The following CNTNAP2 variants were observed in gnomAD, a reference collection of about 807,000 sequenced individuals.
CNTNAP2 encodes the protein contactin associated protein 2.
In CNTNAP2, 98 loss-of-function variants were observed where a neutral mutation model predicts 155.2. That is an observed-to-expected ratio of 0.63 (90% CI 0.54 to 0.75). The LOEUF is 0.75. Among genes scored for constraint, CNTNAP2 ranks in the 30% least tolerant of loss-of-function variants. CNTNAP2 has a pLI of 0.00. For synonymous variants in CNTNAP2, 651 were observed against 631.2 expected, an observed-to-expected ratio of 1.03 and a Z score of -0.47; for missense variants, 1,727 against 1,688.1, an observed-to-expected ratio of 1.02 and a Z score of -0.40.
chr7:147,441,676 C>T (rs1584950000), intron 10 of CNTNAP2, among the ~76,000 whole-genome samples: 1 of 152,208 alleles, frequency 6.6e-6, no homozygotes, highest in East Asian at 1.9e-4. Context: ...GGGAGCACCC[C>T]AGTAACACTA....
At chr7:147,707,600 C>G (rs1474655000) in intron 13 of CNTNAP2, among the ~76,000 whole-genome samples, 2 of 152,178 alleles carry the variant, frequency 1.3e-5, no homozygotes, top group Non-Finnish European at 2.9e-5. Context: ...TTAGCAGGCT[C>G]AGGCAGGCCA....
At chr7:146,600,165 T>A (rs1012641778) in intron 1 of CNTNAP2, among the ~76,000 whole-genome samples, 1 of 152,002 alleles carries the variant, frequency 6.6e-6, no homozygotes, top group African/African-American at 2.4e-5. Context: ...TCCATAATAG[T>A]CAGTTTTCAG....
At chr7:147,211,574 C>A (rs1161353553) in intron 8 of CNTNAP2, among the ~76,000 whole-genome samples, 1 of 152,010 alleles carries the variant, frequency 6.6e-6, no homozygotes, top group Non-Finnish European at 1.5e-5. Context: ...AAACAACTCC[C>A]TATTCAACAC....
intron 1 of CNTNAP2, among the ~76,000 whole-genome samples, chr7:146,666,459 T>C (rs1352682233): frequency 6.6e-6 from 1 of 152,212 alleles, no homozygotes; most frequent in East Asian, 1.9e-4. Flanking sequence ...GCAATAGACA[T>C]AGAGATGCAG....
At chr7:146,650,372 T>C (rs1240872750) in intron 1 of CNTNAP2, among the ~76,000 whole-genome samples, 1 of 151,974 alleles carries the variant, frequency 6.6e-6, no homozygotes, top group Non-Finnish European at 1.5e-5. Flanking sequence ...CCATAAAAAA[T>C]ATGAGTTCAT....
intron 8 of CNTNAP2, among the ~76,000 whole-genome samples, chr7:147,163,995 A>G (rs1288014213): frequency 2.6e-5 from 4 of 152,204 alleles, no homozygotes; most frequent in Non-Finnish European, 4.4e-5. Context: ...CTCCACAACT[A>G]GAGAGATACA....
At chr7:147,233,375 C>T (rs1250583379) in intron 8 of CNTNAP2, among the ~76,000 whole-genome samples, 1 of 152,116 alleles carries the variant, frequency 6.6e-6, no homozygotes, top group Non-Finnish European at 1.5e-5. Context: ...TATTTCTTTT[C>T]TTACATTAAA....
chr7:147,304,583 G>A (rs1794994659), intron 9 of CNTNAP2, among the ~76,000 whole-genome samples: 1 of 152,162 alleles, frequency 6.6e-6, no homozygotes, highest in Admixed American at 6.5e-5. Context: ...CAGTCTTACT[G>A]GAAGAGGAGT....
chr7:147,148,370 A>C (rs1801754161), intron 8 of CNTNAP2, among the ~76,000 whole-genome samples: 1 of 146,576 alleles, frequency 6.8e-6, no homozygotes, highest in South Asian at 2.2e-4. Flanking sequence ...AGCCTGGGCG[A>C]CAGAGCGAGA....
At chr7:147,150,825 G>C (rs1479586407) in intron 8 of CNTNAP2, among the ~76,000 whole-genome samples, 3 of 152,068 alleles carry the variant, frequency 2.0e-5, no homozygotes, top group Non-Finnish European at 1.5e-5. Context: ...GTATAATAAA[G>C]AAAATAAACT....
At chr7:147,851,138 A>T (rs1483279798) in intron 13 of CNTNAP2, among the ~76,000 whole-genome samples, 2 of 152,248 alleles carry the variant, frequency 1.3e-5, no homozygotes, top group Non-Finnish European at 2.9e-5. Flanking sequence ...TCTCAAAAGA[A>T]GACATTTATG....
intron 11 of CNTNAP2, among the ~76,000 whole-genome samples, chr7:147,552,718 T>C (rs1799875984): frequency 6.6e-6 from 1 of 152,174 alleles, no homozygotes; most frequent in Non-Finnish European, 1.5e-5. Context: ...ATACGCCTTC[T>C]TCCTCCATAA....
intron 8 of CNTNAP2, among the ~76,000 whole-genome samples, chr7:147,256,365 G>T (rs1323963457): frequency 6.6e-6 from 1 of 152,140 alleles, no homozygotes; most frequent in Non-Finnish European, 1.5e-5. Context: ...TACACTTGAA[G>T]GGGGCTCTGT....
At chr7:146,288,953 C>T (rs1457949679) in intron 1 of CNTNAP2, among the ~76,000 whole-genome samples, 1 of 151,586 alleles carries the variant, frequency 6.6e-6, no homozygotes, top group African/African-American at 2.4e-5. Flanking sequence ...TATTGGTGCG[C>T]ACCACCACCC....
At chr7:147,114,520 A>G (rs769253400) in intron 5 of CNTNAP2, among the ~76,000 whole-genome samples, 3 of 152,206 alleles carry the variant, frequency 2.0e-5, no homozygotes, top group Non-Finnish European at 4.4e-5. Flanking sequence ...TATATTTATG[A>G]TAGTTAACTC....
intron 3 of CNTNAP2, among the ~76,000 whole-genome samples, chr7:146,864,202 A>G (rs1795158598): frequency 1.3e-5 from 2 of 152,126 alleles, no homozygotes; most frequent in Non-Finnish European, 2.9e-5. Flanking sequence ...GAATATAGAC[A>G]CAAAAATTAA....
chr7:146,525,305 C>T lies in CNTNAP2; in HGVS notation c.98-248966C>T, dbSNP rs536035559. On this transcript the variant is annotated intron_variant, in intron 1 of 23. Coordinates refer to ENST00000361727, the MANE Select transcript of CNTNAP2 (RefSeq NM_014141.6). The stretch of plus-strand genomic sequence containing the variant: ...TTCTAGTGACTTGTTTTCGAAACAA[C>T]GCCACTTACATATTTTCATGTTGTC... Among the ~76,000 whole-genome samples the T allele has an allele frequency of 9.6e-5, 14 of 146,382 alleles. 1 individual carries two copies. Among genetic ancestry groups the T allele is most frequent in the African/African-American group, 3.6e-4 (13 of 36,244 alleles).
At chr7:148,302,887 C>T (rs183429593) in intron 21 of CNTNAP2, among the ~76,000 whole-genome samples, 1 of 131,816 alleles carries the variant, frequency 7.6e-6, no homozygotes, top group Non-Finnish European at 1.5e-5. Context: ...GGCAGGATCT[C>T]GGCTCACTGC....
intron 9 of CNTNAP2, among the ~76,000 whole-genome samples, chr7:147,339,165 C>T (rs66529387): frequency 0.2 from 29,692 of 150,756 alleles, 3,169 homozygotes; most frequent in Non-Finnish European, 0.24. Flanking sequence ...ATAACTATTG[C>T]TATTGCTGTG....
Sources: gnomAD v4.1 joint callset for allele counts (sites outside exome capture counted in the v4.1 genomes callset) on GRCh38, gnomAD v4.1.1 for gene constraint, MANE v1.5 for transcripts, NCBI Gene and HGNC (gene_info 2026-07-23, HGNC 2026-07-21) for gene names.